The following GRM7 variants were observed in gnomAD, a reference collection of about 807,000 sequenced individuals.
GRM7 encodes the protein metabotropic glutamate receptor 7.
GRM7 carries 35 observed loss-of-function variants against 84.5 expected under a neutral mutation model. The ratio of observed to expected loss-of-function variants is 0.41; its 90% CI spans 0.32 to 0.55. The LOEUF (loss-of-function observed/expected upper bound fraction) is 0.55, where lower values mean the gene tolerates loss of function less well. GRM7 is among the 20% of genes least tolerant of loss of function. GRM7 has a pLI of 0.19. For synonymous variants in GRM7, 487 were observed against 455.1 expected (o/e 1.07, Z -0.89); for missense variants, 1,003 against 1,194.6 (o/e 0.84, Z 2.36).
intron 1 of GRM7, among the ~76,000 whole-genome samples, chr3:7,099,788 A>G (rs1699037555): frequency 2.1e-5 from 2 of 95,118 alleles, no homozygotes; most frequent in South Asian, 6.2e-4. Flanking sequence ...ATACATGTGC[A>G]CATACATGTA....
In GRM7 at chr3:7,660,497, T is replaced by TTAAAG. The variant is rs1371440445; in HGVS notation, c.2452-19549_2452-19545dup. On this transcript the variant is annotated intron_variant, in intron 8 of 9. Transcript: ENST00000357716. ...AATTATAAAATATTTGTGAAATAAA[T>TTAAAG]TAAAGTAGACCTAAATAAATAGAGA... 2.0e-5 allele frequency among the ~76,000 whole-genome samples: 3 copies of TTAAAG among 152,268 alleles called. No homozygotes were observed. The South Asian group carries it at 6.2e-4, about 32-fold the overall frequency.
At chr3:7,533,201 C>T (rs554629380) in intron 7 of GRM7, among the ~76,000 whole-genome samples, 2 of 152,190 alleles carry the variant, frequency 1.3e-5, no homozygotes, top group Non-Finnish European at 2.9e-5. Flanking sequence ...ACATTCTTCT[C>T]AGCACCACTT....
intron 4 of GRM7, among the ~76,000 whole-genome samples, chr3:7,388,049 C>T (rs1396795118): frequency 6.6e-6 from 1 of 151,934 alleles, no homozygotes; most frequent in Non-Finnish European, 1.5e-5. Flanking sequence ...GTTTTCGTGG[C>T]CATTATAAAT....
chr3:7,031,509 C>T (rs1020559625), intron 1 of GRM7, among the ~76,000 whole-genome samples: 6 of 151,938 alleles, frequency 3.9e-5, no homozygotes, highest in Non-Finnish European at 8.8e-5. Context: ...CTCCGCCTCC[C>T]GGGTTCATGC....
intron 1 of GRM7, among the ~76,000 whole-genome samples, chr3:7,086,448 GTTATA>G (rs1297156848): frequency 6.6e-6 from 1 of 152,232 alleles, no homozygotes; most frequent in African/African-American, 2.4e-5. Context: ...CAAGAGTTTT[GTTATA>G]TTAAAGTAGT....
chr3:7,687,487 G>A (rs1700630830), intron 9 of GRM7, among the ~76,000 whole-genome samples: 1 of 152,142 alleles, frequency 6.6e-6, no homozygotes, highest in Non-Finnish European at 1.5e-5. Flanking sequence ...TAGAGAACAT[G>A]GAATAAGTTA....
intron 1 of GRM7, among the ~76,000 whole-genome samples, chr3:6,933,213 T>C (rs985740832): frequency 6.6e-6 from 1 of 152,248 alleles, no homozygotes; most frequent in Non-Finnish European, 1.5e-5. Flanking sequence ...CAAAAGCTTT[T>C]ACAATTATAT....
intron 8 of GRM7, among the ~76,000 whole-genome samples, chr3:7,661,610 C>G (rs1274537316): frequency 6.6e-6 from 1 of 151,534 alleles, no homozygotes; most frequent in East Asian, 1.9e-4. Context: ...CTGGCTTACA[C>G]GGTGAAACCC....
intron 4 of GRM7, among the ~76,000 whole-genome samples, chr3:7,380,825 T>C (rs1162166808): frequency 6.6e-6 from 1 of 152,210 alleles, no homozygotes; most frequent in Non-Finnish European, 1.5e-5. Context: ...TAGAACTGCT[T>C]AGCCAAATCA....
chr3:7,023,358 A>G (rs1030025005), intron 1 of GRM7, among the ~76,000 whole-genome samples: 1 of 152,106 alleles, frequency 6.6e-6, no homozygotes, highest in African/African-American at 2.4e-5. Context: ...AAGATCAGAG[A>G]GTCAGGTAGA....
chr3:7,532,387 G>T (rs1701072625), intron 7 of GRM7, among the ~76,000 whole-genome samples: 1 of 152,094 alleles, frequency 6.6e-6, no homozygotes, highest in Admixed American at 6.6e-5. Flanking sequence ...ATTTCTTCTA[G>T]ATTTCCTAGT....
chr3:6,868,293 A>G (rs552104475), intron 1 of GRM7, among the ~76,000 whole-genome samples: 7 of 152,214 alleles, frequency 4.6e-5, no homozygotes, highest in Non-Finnish European at 7.3e-5. Context: ...GCACAAATGC[A>G]TAAATGCTTA....
At chr3:7,723,691 A>C (rs1355685502) in intron 9 of GRM7, among the ~76,000 whole-genome samples, 1 of 151,912 alleles carries the variant, frequency 6.6e-6, no homozygotes, top group Non-Finnish European at 1.5e-5. Context: ...CTCTACAACA[A>C]ATTTAAAAAT....
At chr3:7,681,663 A>G (rs1007737786) in intron 9 of GRM7, 2 of 152,184 alleles carry the variant, frequency 1.3e-5, no homozygotes, top group Admixed American at 1.3e-4. Context: ...CAAGTGGCCA[A>G]TTGAGAGGAG....
chr3:7,521,774 T>C (rs965535987), intron 7 of GRM7, among the ~76,000 whole-genome samples: 3 of 152,062 alleles, frequency 2.0e-5, no homozygotes, highest in African/African-American at 4.8e-5. Flanking sequence ...GCTCTTTAGA[T>C]AAAAAAAGAA....
rs1183364092 is a variant in GRM7 at position 7,446,450 on chromosome 3, GT to G, written c.1175-6144del. ...TTTTGTTGTTGTTGTTTTTGGTCTT[GT>G]TTTTTTTTTTTTGTTTTTTTTTTTT... On this transcript the variant is annotated intron_variant, in intron 5 of 9. Coordinates refer to ENST00000357716, the MANE Select transcript of GRM7 (RefSeq NM_000844.4). Among the ~76,000 whole-genome samples, 569 of 107,990 alleles carry G rather than the reference GT, an allele frequency of 5.3e-3. 1 individual carries two copies. Among genetic ancestry groups the G allele is most frequent in the Non-Finnish European group, 8.0e-3 (382 of 47,510 alleles). The allele number at this position is 107,990 out of a possible 152,430, so 70.8% of individuals were successfully genotyped here. A position where few individuals can be genotyped will look rare whatever the true frequency, so the allele number is the denominator to read the frequency against.
chr3:7,661,628 A>G (rs1425228283), intron 8 of GRM7, among the ~76,000 whole-genome samples: 1 of 151,738 alleles, frequency 6.6e-6, no homozygotes. Flanking sequence ...CCCCGTCTCT[A>G]CTAAAAATAC....
chr3:7,020,041 G>T (rs1043470313), intron 1 of GRM7, among the ~76,000 whole-genome samples: 4 of 152,080 alleles, frequency 2.6e-5, no homozygotes, highest in Non-Finnish European at 5.9e-5. Flanking sequence ...TTAGAGACGG[G>T]TTTCACCATA....
intron 7 of GRM7, among the ~76,000 whole-genome samples, chr3:7,517,653 A>G (rs1293048650): frequency 6.6e-6 from 1 of 152,144 alleles, no homozygotes; most frequent in Non-Finnish European, 1.5e-5. Context: ...TTGGCCTTCC[A>G]AAGTGCTGGG....
Sources: gnomAD v4.1 joint callset for allele counts (sites outside exome capture counted in the v4.1 genomes callset) on GRCh38, gnomAD v4.1.1 for gene constraint, MANE v1.5 for transcripts, NCBI Gene and HGNC (gene_info 2026-07-23, HGNC 2026-07-21) for gene names.